Variants in FAM135B observed in about 807,000 individuals in gnomAD.
FAM135B encodes the protein family with sequence similarity 135 member B.
FAM135B carries 43 observed loss-of-function variants against 127.7 expected under a neutral mutation model. The ratio of observed to expected loss-of-function variants is 0.34; its 90% CI spans 0.26 to 0.43. The LOEUF (loss-of-function observed/expected upper bound fraction) is 0.43. FAM135B is among the 20% of genes least tolerant of loss of function. FAM135B has a pLI of 1.00. For synonymous variants in FAM135B, 670 were observed against 665.1 expected (o/e 1.01, Z -0.11); for missense variants, 1,558 against 1,725.6 (o/e 0.90, Z 1.72).
Position 138,243,208 on chromosome 8 carries a change from G to T in FAM135B, c.543-140C>A. 1.1e-6 allele frequency: 1 copy of T among 948,290 alleles called. No individual in the cohort carries two copies. Among genetic ancestry groups the T allele is most frequent in the South Asian group, 2.0e-5 (1 of 48,996 alleles). The allele number at this position is 948,290 out of a possible 1,614,324, so 58.7% of individuals were successfully genotyped here. On this transcript the variant is annotated intron_variant, in intron 6 of 19. Coordinates refer to ENST00000395297, the MANE Select transcript of FAM135B (RefSeq NM_015912.4). The surrounding 1 kb of genome is among the most constrained non-coding windows in gnomAD (Gnocchi z 7.5). Reference sequence around the variant, plus strand: ...GTAGTTCACCCCCTAGGGAGTGTTTGCATGTGACATTTGTGGATATTTTGA... The same window carrying T: ...GTAGTTCACCCCCTAGGGAGTGTTTTCATGTGACATTTGTGGATATTTTGA...
chr8:138,416,222 T>C (rs533477293), intron 1 of FAM135B, among the ~76,000 whole-genome samples: 19 of 152,132 alleles, frequency 1.2e-4, no homozygotes, highest in Non-Finnish European at 2.2e-4. Context: ...AGCAGAGCAA[T>C]AGAGAGGTTA....
chr8:138,207,130 A>T (rs1445956801), intron 7 of FAM135B, among the ~76,000 whole-genome samples: 1 of 152,162 alleles, frequency 6.6e-6, no homozygotes, highest in African/African-American at 2.4e-5. Context: ...CCCTCATGGA[A>T]ATCAGGGAGA....
intron 7 of FAM135B, among the ~76,000 whole-genome samples, chr8:138,199,343 G>C (rs1216330110): frequency 6.6e-6 from 1 of 152,240 alleles, no homozygotes; most frequent in Non-Finnish European, 1.5e-5. Flanking sequence ...TGTCTTAGGT[G>C]AGAGACTATG....
chr8:138,348,414 C>T lies in FAM135B; in HGVS notation c.77+19493G>A, dbSNP rs554008040. On this transcript the variant is annotated intron_variant, in intron 2 of 19. Coordinates refer to ENST00000395297, the MANE Select transcript of FAM135B (RefSeq NM_015912.4). ...CCTCCCAAAGTGCGGAGATTACAGG[C>T]GTGAGCCACCGCACCTGGCCTTTTT... 6.7e-4 allele frequency among the ~76,000 whole-genome samples: 102 copies of T among 152,218 alleles called. 1 individual carries two copies. In the South Asian group the frequency reaches 0.02, roughly 30 times the overall value.
At position 138,148,652 on chromosome 8, in the gene FAM135B, G is replaced by C. The variant is rs1353681458; in HGVS notation, c.3316C>G (p.Leu1106Val). ...CTGTACAGAAATCCTTCAATCTTCA[G>C]TTCTTTTTTAAATTTTTCTTTGGCC... The part of the protein sequence containing the change: ...YQAKEKFKKE[L>V]KIEGFLYSDL... Residue 1106 changes from leucine (L) to valine (V), a missense_variant, in exon 14 of 20, where the codon CTG becomes GTG. By Grantham distance (32) the Leu-to-Val change is conservative. Coordinates refer to ENST00000395297, the MANE Select transcript of FAM135B (RefSeq NM_015912.4). The C allele has an allele frequency of 6.2e-7, 1 of 1,607,120 alleles. No individual in the cohort carries two copies. The highest frequency in any genetic ancestry group is 8.5e-7 in the Non-Finnish European group (1 of 1,176,748).
At chr8:138,471,949 T>A (rs192206760) in intron 1 of FAM135B, among the ~76,000 whole-genome samples, 6 of 152,118 alleles carry the variant, frequency 3.9e-5, no homozygotes, top group Non-Finnish European at 8.8e-5. Context: ...CATGGTCAAC[T>A]TGGTCACCAT....
At chr8:138,452,547 A>G (rs1370002237) in intron 1 of FAM135B, among the ~76,000 whole-genome samples, 1 of 152,200 alleles carries the variant, frequency 6.6e-6, no homozygotes, top group Non-Finnish European at 1.5e-5. Context: ...GCTTCTACAT[A>G]GACATCCTTC....
chr8:138,257,123 G>A (rs1230322595), intron 4 of FAM135B, among the ~76,000 whole-genome samples: 1 of 152,130 alleles, frequency 6.6e-6, no homozygotes, highest in Non-Finnish European at 1.5e-5. Flanking sequence ...TGGGAAGGAT[G>A]GAGCAGTGAA....
At chr8:138,215,276 G>A (rs572719808) in intron 7 of FAM135B, among the ~76,000 whole-genome samples, 2 of 152,116 alleles carry the variant, frequency 1.3e-5, no homozygotes, top group Admixed American at 1.3e-4. Flanking sequence ...TTCCTGGTAG[G>A]GTGCTAGTGA....
At position 138,329,326 on chromosome 8, in the gene FAM135B, C is replaced by T. The variant is rs550642432; in HGVS notation, c.78-18406G>A. Among the ~76,000 whole-genome samples, 97 of 152,318 alleles carry T rather than the reference C, an allele frequency of 6.4e-4. No homozygotes were observed. The Middle Eastern group carries it at 0.014, about 21-fold the overall frequency. On this transcript the variant is annotated intron_variant, in intron 2 of 19. Transcript: ENST00000395297. Reference sequence around the variant, plus strand: ...AGCATGTGTCTCTTTTGAGAATAAACCATCATAACCCTGAATCATGATTCC... The same window carrying T: ...AGCATGTGTCTCTTTTGAGAATAAATCATCATAACCCTGAATCATGATTCC...
intron 1 of FAM135B, among the ~76,000 whole-genome samples, chr8:138,458,926 G>A (rs1486437119): frequency 6.6e-6 from 1 of 152,136 alleles, no homozygotes; most frequent in Non-Finnish European, 1.5e-5. Context: ...TGGGATTTCT[G>A]ACTTGTGAAA....
intron 1 of FAM135B, among the ~76,000 whole-genome samples, chr8:138,476,491 T>C (rs1564031700): frequency 6.7e-6 from 1 of 150,104 alleles, no homozygotes; most frequent in African/African-American, 2.5e-5. Context: ...TTTTTTTTTT[T>C]CAATTTTACT....
intron 2 of FAM135B, among the ~76,000 whole-genome samples, chr8:138,311,584 G>A (rs1469383307): frequency 6.6e-6 from 1 of 152,122 alleles, no homozygotes; most frequent in Non-Finnish European, 1.5e-5. Flanking sequence ...AGCATTTGAG[G>A]ACATTTCTGG....
chr8:138,426,579 A>G (rs1185508134), intron 1 of FAM135B, among the ~76,000 whole-genome samples: 2 of 151,348 alleles, frequency 1.3e-5, no homozygotes, highest in Non-Finnish European at 2.9e-5. Context: ...TGAGAATGCT[A>G]TTATCATTTT....
chr8:138,197,412 T>C (rs550966358), intron 8 of FAM135B, 104 bp downstream of exon 8: 1 of 1,393,008 alleles, frequency 7.2e-7, no homozygotes, highest in South Asian at 1.4e-5. Context: ...GGACCAGGGT[T>C]ATTCCTGTGA....
intron 3 of FAM135B, among the ~76,000 whole-genome samples, chr8:138,292,332 G>A (rs1825173471): frequency 6.6e-6 from 1 of 152,166 alleles, no homozygotes; most frequent in Non-Finnish European, 1.5e-5. Flanking sequence ...TTGTTAAAAT[G>A]TCCATGCCAT....
chr8:138,273,854 T>C (rs575119668), intron 3 of FAM135B, among the ~76,000 whole-genome samples: 133 of 152,226 alleles, frequency 8.7e-4, no homozygotes, highest in Non-Finnish European at 1.6e-3. Flanking sequence ...CCAATTATTT[T>C]CTCCGTTACT....
intron 3 of FAM135B, among the ~76,000 whole-genome samples, chr8:138,295,021 T>C (rs1825374312): frequency 6.6e-6 from 1 of 151,606 alleles, no homozygotes; most frequent in Non-Finnish European, 1.5e-5. Context: ...GAAGGTAAAC[T>C]GGCCACATAG....
chr8:138,414,268 C>A (rs1468672031), intron 1 of FAM135B, among the ~76,000 whole-genome samples: 1 of 151,982 alleles, frequency 6.6e-6, no homozygotes, highest in African/African-American at 2.4e-5. Flanking sequence ...TCAGCTCACC[C>A]ACTGAGCCTC....
Sources: gnomAD v4.1 joint callset for allele counts (sites outside exome capture counted in the v4.1 genomes callset) on GRCh38, gnomAD v4.1.1 for gene constraint, Gnocchi (gnomAD v3.1) non-coding constraint, MANE v1.5 for transcripts, NCBI Gene and HGNC (gene_info 2026-07-23, HGNC 2026-07-21) for gene names.